The following OR2AK2 variants were observed in gnomAD, a reference collection of about 807,000 sequenced individuals.
OR2AK2 encodes olfactory receptor family 2 subfamily AK member 2.
For missense variants in OR2AK2, 392 were observed against 384.1 expected (o/e 1.02, Z -0.17); for synonymous variants, 139 against 147.2 (o/e 0.94, Z 0.40).
exon 1 of OR2AK2, chr1:247,965,324 A>T (rs754203928): frequency 2.0e-6 from 3 of 1,534,168 alleles, no homozygotes; most frequent in Non-Finnish European, 1.7e-6. Flanking sequence ...GGAAGTCAAC[A>T]TTATTACATG....
At chr1:247,966,203 T>C in exon 1 of OR2AK2, 2 of 1,613,858 alleles carry the variant, frequency 1.2e-6, no homozygotes, top group Non-Finnish European at 1.7e-6. Context: ...GCGGTGGCAG[T>C]ATTTTACACC....
At chr1:247,965,559 T>C in exon 1 of OR2AK2, 2 of 1,607,826 alleles carry the variant, frequency 1.2e-6, no homozygotes, top group Non-Finnish European at 1.7e-6. Flanking sequence ...CAATGTACTT[T>C]CTGCTCAGTC....
rs116459004 is a variant in OR2AK2, at chr1:247,965,562, G to T, written c.186G>T (p.Leu62=). 2,332 of 1,605,314 alleles carry T rather than the reference G, an allele frequency of 1.5e-3. 36 individuals carry two copies. In the African/African-American group the frequency reaches 0.028, roughly 19 times the overall value. Reference sequence around the variant, plus strand: ...GACTCCACACTCCAATGTACTTTCTGCTCAGTCAGCTCTCCATCGTTGACC... The same window carrying T: ...GACTCCACACTCCAATGTACTTTCTTCTCAGTCAGCTCTCCATCGTTGACC... Residue 62 remains leucine (L), a synonymous_variant, in exon 1 of 1, where the codon CTG becomes CTT. Transcript: ENST00000366480.
exon 1 of OR2AK2, chr1:247,965,700 T>A (rs780871669): frequency 2.4e-5 from 37 of 1,555,884 alleles, no homozygotes; most frequent in Non-Finnish European, 3.2e-5. Flanking sequence ...TGGCCCTTGG[T>A]GGAACTGAAG....
At chr1:247,965,378 T>C (rs1489799508) in exon 1 of OR2AK2, 4 of 1,608,590 alleles carry the variant, frequency 2.5e-6, no homozygotes, top group Non-Finnish European at 3.4e-6. Context: ...GTTTCAGCCA[T>C]GAAAACAGGA....
Position 247,965,293 on chromosome 1 carries a change from GTCATTTTACTT to G in OR2AK2, c.-81_-71del, listed in dbSNP as rs767361958. On this transcript the variant is annotated 5_prime_UTR_variant, in exon 1 of 1. It removes the in-frame stop codon of an upstream open reading frame in the 5' UTR. Coordinates refer to ENST00000366480, the Ensembl canonical transcript of OR2AK2. ...GTGAATATTTATTTCTGAATGCCAT[GTCATTTTACTT>G]TCTCTTAAGGGAAGTCAACATTATT... 50 of 1,427,256 alleles carry G rather than the reference GTCATTTTACTT, an allele frequency of 3.5e-5. 1 individual carries two copies. In the South Asian group the frequency reaches 6.3e-4, roughly 18 times the overall value. The allele number at this position is 1,427,256 out of a possible 1,614,324, so 88.4% of individuals were successfully genotyped here. A position where few individuals can be genotyped will look rare whatever the true frequency, so the allele number is the denominator to read the frequency against.
At chr1:247,965,506 A>T (rs1420694829) in exon 1 of OR2AK2, 6 of 1,613,460 alleles carry the variant, frequency 3.7e-6, no homozygotes, top group South Asian at 3.3e-5. Flanking sequence ...AGGAAATATC[A>T]TGCTGATCCA....
chr1:247,965,931 A>C (rs146632661), exon 1 of OR2AK2: 5 of 1,611,008 alleles, frequency 3.1e-6, no homozygotes, highest in Admixed American at 1.7e-5. Context: ...CAGCTCTACT[A>C]TCATTGGTGT....
At position 247,965,679 on chromosome 1, in the gene OR2AK2, G is replaced by A. The variant is rs74153216; in HGVS notation, c.303G>A (p.Thr101=). ...GATTTTTGGGCTGTGAGATTCAAAC[G>A]TATGTGTTCTTGGCCCTTGGTGGAA... The change falls in exon 1 of 1, where the codon ACG becomes ACA. Residue 101 remains threonine (T), a synonymous_variant. Coordinates refer to ENST00000366480, the Ensembl canonical transcript of OR2AK2. 1.4e-3 allele frequency: 2,184 copies of A among 1,551,748 alleles called. 26 individuals carry two copies. In the African/African-American group the frequency reaches 0.023, roughly 17 times the overall value.
exon 1 of OR2AK2, chr1:247,965,839 A>G: frequency 6.2e-7 from 1 of 1,613,450 alleles, no homozygotes; most frequent in Non-Finnish European, 8.5e-7. Context: ...TGGTTCTATC[A>G]ATGCTTTCAT....
chr1:247,965,880 C>T (rs1467592856), exon 1 of OR2AK2: 3 of 1,612,526 alleles, frequency 1.9e-6, no homozygotes, highest in Non-Finnish European at 2.5e-6. Context: ...AGCTTCCATT[C>T]TGTAGGTCTC....
At chr1:247,965,601 C>T (rs1038526264) in exon 1 of OR2AK2, 9 of 1,573,010 alleles carry the variant, frequency 5.7e-6, no homozygotes, top group Non-Finnish European at 7.8e-6. Flanking sequence ...TGTACATCTC[C>T]ACCACAGTGC....
At chr1:247,965,591 T>A (rs1318910247) in exon 1 of OR2AK2, 2 of 1,588,854 alleles carry the variant, frequency 1.3e-6, no homozygotes, top group South Asian at 1.2e-5. Flanking sequence ...GTTGACCTCA[T>A]GTACATCTCC....
rs199815384 is a variant in OR2AK2, at chr1:247,966,210, C to T, written c.834C>T (p.Tyr278=). Residue 278 remains tyrosine (Y), a synonymous_variant, in exon 1 of 1, where the codon TAC becomes TAT. Transcript: ENST00000366480. Reference sequence around the variant, plus strand: ...GGGATAAGGCGGTGGCAGTATTTTACACCATTGTCACACCTCTACTGAACC... The same window carrying T: ...GGGATAAGGCGGTGGCAGTATTTTATACCATTGTCACACCTCTACTGAACC... The T allele has an allele frequency of 3.7e-5, 60 of 1,613,594 alleles. No individual in the cohort carries two copies. The East Asian group carries it at 1.3e-3, about 35-fold the overall frequency.
exon 1 of OR2AK2, chr1:247,965,433 A>G (rs758544857): frequency 5.6e-6 from 9 of 1,613,556 alleles, no homozygotes; most frequent in Admixed American, 3.3e-5. Context: ...GTCTTTTCCA[A>G]TATGGCTGGA....
At chr1:247,965,306 C>G in exon 1 of OR2AK2, 1 of 1,493,304 alleles carries the variant, frequency 6.7e-7, no homozygotes, top group Non-Finnish European at 8.9e-7. Context: ...ATTTTACTTT[C>G]TCTTAAGGGA....
exon 1 of OR2AK2, chr1:247,965,758 C>T (rs1660954652): frequency 6.3e-7 from 1 of 1,575,024 alleles, no homozygotes; most frequent in African/African-American, 1.4e-5. Context: ...AGCTATCTGT[C>T]ACCCTTTACA....
exon 1 of OR2AK2, chr1:247,965,989 A>G: frequency 6.2e-7 from 1 of 1,611,722 alleles, no homozygotes. Context: ...GAGTGGACTT[A>G]TTATCTTGCT....
At chr1:247,965,859 G>A in exon 1 of OR2AK2, 14 of 1,613,782 alleles carry the variant, frequency 8.7e-6, no homozygotes, top group Non-Finnish European at 1.1e-5. Flanking sequence ...TACATACATT[G>A]TATGTGTTTC....
Sources: gnomAD v4.1 joint callset for allele counts on GRCh38, gnomAD v4.1.1 for gene constraint, MANE v1.5 for transcripts, NCBI Gene and HGNC (gene_info 2026-07-23, HGNC 2026-07-21) for gene names.